The following CAST variants were observed in gnomAD, a reference collection of about 807,000 sequenced individuals.
CAST encodes the protein calpastatin.
CAST carries 76 observed loss-of-function variants against 119.6 expected under a neutral mutation model. That is an observed-to-expected ratio of 0.64 (90% CI 0.53 to 0.77). The LOEUF (loss-of-function observed/expected upper bound fraction) is 0.77, where lower values mean the gene tolerates loss of function less well. Ranked by LOEUF, CAST falls within the 30% of genes least tolerant of loss-of-function variation. The probability of loss-of-function intolerance (pLI) is 0.00; values close to 1 mark genes in which losing one functional copy is unlikely to be tolerated. For synonymous variants in CAST, 319 were observed against 331.6 expected, an observed-to-expected ratio of 0.96 and a Z score of 0.41; for missense variants, 953 against 946.5, an observed-to-expected ratio of 1.01 and a Z score of -0.09.
chr5:96,369,525 C>T, the CAST span, among the ~76,000 whole-genome samples: 9 of 152,238 alleles, frequency 5.9e-5, no homozygotes, highest in East Asian at 1.9e-4. Flanking sequence ...TTCACTCTGA[C>T]GTGATCTGGC....
At chr5:96,220,589 C>G in the CAST span, among the ~76,000 whole-genome samples, 2 of 152,202 alleles carry the variant, frequency 1.3e-5, no homozygotes, top group African/African-American at 2.4e-5. Context: ...GGCATAGAAG[C>G]TAGGCCTTCT....
intron 1 of CAST, among the ~76,000 whole-genome samples, chr5:96,597,158 T>C (rs1051349632): frequency 6.6e-5 from 10 of 152,220 alleles, no homozygotes; most frequent in African/African-American, 2.4e-4. Context: ...CGACCTCATA[T>C]ATTTCATTGT....
chr5:96,352,521 T>C, the CAST span, among the ~76,000 whole-genome samples: 1 of 152,184 alleles, frequency 6.6e-6, no homozygotes, highest in African/African-American at 2.4e-5. Flanking sequence ...TTCAGTGTGA[T>C]AGGAGATCTG....
the CAST span, among the ~76,000 whole-genome samples, chr5:96,065,545 C>G: frequency 1.3e-5 from 2 of 151,948 alleles, no homozygotes; most frequent in Non-Finnish European, 2.9e-5. Flanking sequence ...AGTTTTGAAG[C>G]ATCTTTTATT....
the CAST span, among the ~76,000 whole-genome samples, chr5:96,458,574 T>C: frequency 6.6e-6 from 1 of 152,122 alleles, no homozygotes; most frequent in African/African-American, 2.4e-5. Context: ...AAAGTAAGAA[T>C]GGATATAATT....
chr5:95,977,013 CATG>C, the CAST span, among the ~76,000 whole-genome samples: 1 of 152,094 alleles, frequency 6.6e-6, no homozygotes, highest in African/African-American at 2.4e-5. Context: ...CACTCAGTAG[CATG>C]ATGATGATGT....
intron 25 of CAST, chr5:96,763,336 A>T (rs1768676337): frequency 6.6e-6 from 5 of 760,604 alleles, no homozygotes; most frequent in Non-Finnish European, 1.2e-5. Flanking sequence ...AAACCAGTAA[A>T]ATGCCCCGTG....
the CAST span, among the ~76,000 whole-genome samples, chr5:95,969,937 A>G: frequency 6.6e-6 from 1 of 152,230 alleles, no homozygotes; most frequent in East Asian, 1.9e-4. Flanking sequence ...GAATTGGGGA[A>G]TATTCCTAAA....
the CAST span, among the ~76,000 whole-genome samples, chr5:96,052,138 T>A: frequency 7.9e-5 from 12 of 152,164 alleles, no homozygotes; most frequent in Non-Finnish European, 1.5e-4. Context: ...AATAAAATAT[T>A]AAATAAAGAG....
chr5:96,397,204 A>T, the CAST span: 1 of 783,886 alleles, frequency 1.3e-6, no homozygotes, highest in Non-Finnish European at 2.2e-6. Context: ...GAAACACTCT[A>T]CTTTTCCCTT....
chr5:96,010,758 G>C, the CAST span, among the ~76,000 whole-genome samples: 1 of 152,118 alleles, frequency 6.6e-6, no homozygotes, highest in Non-Finnish European at 1.5e-5. Context: ...CCATTCATTT[G>C]TGTCATCTCT....
At chr5:96,125,392 C>G in the CAST span, among the ~76,000 whole-genome samples, 1 of 152,104 alleles carries the variant, frequency 6.6e-6, no homozygotes, top group Non-Finnish European at 1.5e-5. Flanking sequence ...AGTGATGGAG[C>G]AGGCATCTAA....
At chr5:96,687,671 CT>C (rs1752238485) in intron 2 of CAST, among the ~76,000 whole-genome samples, 1 of 152,150 alleles carries the variant, frequency 6.6e-6, no homozygotes, top group Non-Finnish European at 1.5e-5. Flanking sequence ...AATTTTTGGA[CT>C]TTAGTACCAT....
chr5:96,494,775 A>G, the CAST span, among the ~76,000 whole-genome samples: 1 of 152,196 alleles, frequency 6.6e-6, no homozygotes, highest in African/African-American at 2.4e-5. Flanking sequence ...TCATTAAATG[A>G]TTTTAGCAGG....
the CAST span, among the ~76,000 whole-genome samples, chr5:95,983,076 A>C: frequency 6.6e-6 from 1 of 152,258 alleles, no homozygotes; most frequent in Admixed American, 6.5e-5. Flanking sequence ...CAGACACAAG[A>C]AAATACATAT....
At chr5:96,387,242 T>A in the CAST span, among the ~76,000 whole-genome samples, 1 of 152,328 alleles carries the variant, frequency 6.6e-6, no homozygotes, top group Non-Finnish European at 1.5e-5. Context: ...CTTTAATGAT[T>A]AGAATAGTAT....
At chr5:96,417,868 G>A in the CAST span, among the ~76,000 whole-genome samples, 469 of 152,266 alleles carry the variant, frequency 3.1e-3, 4 homozygotes, top group South Asian at 0.034. Context: ...TTAGTAGAAG[G>A]AGTAATTCAG....
chr5:96,739,079 C>T (rs1259714386), intron 11 of CAST, among the ~76,000 whole-genome samples: 2 of 151,914 alleles, frequency 1.3e-5, no homozygotes, highest in Non-Finnish European at 2.9e-5. Context: ...CTTGACTGAC[C>T]AATAAGCAAG....
the CAST span, among the ~76,000 whole-genome samples, chr5:96,310,362 T>A: frequency 6.6e-6 from 1 of 152,224 alleles, no homozygotes; most frequent in Non-Finnish European, 1.5e-5. Context: ...TTTGCACTGA[T>A]GTTAATCAAA....
Sources: gnomAD v4.1 joint callset for allele counts (sites outside exome capture counted in the v4.1 genomes callset) on GRCh38, gnomAD v4.1.1 for gene constraint, MANE v1.5 for transcripts, NCBI Gene and HGNC (gene_info 2026-07-23, HGNC 2026-07-21) for gene names.